NFATC2: variants seen among roughly 807,000 people sequenced by gnomAD.
NFATC2 encodes nuclear factor of activated T-cells, cytoplasmic 2.
NFATC2 carries 22 observed loss-of-function variants against 87.3 expected under a neutral mutation model. The ratio of observed to expected loss-of-function variants is 0.25; its 90% CI spans 0.18 to 0.36. The LOEUF is 0.36. Among genes scored for constraint, NFATC2 ranks in the 10% least tolerant of loss-of-function variants. NFATC2 has a pLI of 1.00. For synonymous variants in NFATC2, 565 were observed against 542.2 expected, an observed-to-expected ratio of 1.04 and a Z score of -0.58; for missense variants, 1,149 against 1,259.1, an observed-to-expected ratio of 0.91 and a Z score of 1.32.
chr20:51,399,235 T>G (rs531836234), intron 9 of NFATC2: 1 of 153,796 alleles, frequency 6.5e-6, no homozygotes, highest in Admixed American at 6.4e-5. Context: ...CTTCCTGTTT[T>G]TTGTCAACAA....
Position 51,562,352 on chromosome 20 carries a change from A to G in NFATC2, c.70+208T>C, listed in dbSNP as rs2077040143. Among the ~76,000 whole-genome samples, 1 of 152,130 alleles carries G rather than the reference A, an allele frequency of 6.6e-6. No individual in the cohort carries two copies. Among genetic ancestry groups the G allele is most frequent in the Admixed American group, 6.5e-5 (1 of 15,286 alleles). Reference sequence around the variant, plus strand: ...CCCTGCCCCCGCGTAAAGTTGTCCAAAGTCGCCTTCCCAAGTGTCCCTTCC... The same window carrying G: ...CCCTGCCCCCGCGTAAAGTTGTCCAGAGTCGCCTTCCCAAGTGTCCCTTCC... On this transcript the variant is annotated intron_variant, in intron 1 of 10. Coordinates refer to the NFATC2 transcript ENST00000414705. The surrounding 1 kb of genome is among the most constrained non-coding windows in gnomAD (Gnocchi z 5.8).
chr20:51,426,276 C>T (rs930355177), intron 9 of NFATC2, among the ~76,000 whole-genome samples: 6 of 152,068 alleles, frequency 3.9e-5, no homozygotes, highest in Admixed American at 1.3e-4. Flanking sequence ...GTCAGGAGTT[C>T]GAGACCAGCT....
chr20:51,488,779 C>T (rs931694274), intron 3 of NFATC2, among the ~76,000 whole-genome samples: 1 of 152,226 alleles, frequency 6.6e-6, no homozygotes, highest in African/African-American at 2.4e-5. Flanking sequence ...TCTGCCTTGT[C>T]CCTTGTCCCT....
intron 1 of NFATC2, among the ~76,000 whole-genome samples, chr20:51,525,010 A>G (rs2076521133): frequency 6.6e-6 from 1 of 152,182 alleles, no homozygotes; most frequent in Admixed American, 6.5e-5. Context: ...ACTTGCGGTC[A>G]GGAGTTTGAG....
At chr20:51,454,366 A>G (rs1428881487) in intron 6 of NFATC2, among the ~76,000 whole-genome samples, 182 bp downstream of exon 6, 2 of 152,236 alleles carry the variant, frequency 1.3e-5, no homozygotes, top group Non-Finnish European at 2.9e-5. Flanking sequence ...GTAGAATGGC[A>G]CATTCATGCA....
Position 51,391,431 on chromosome 20 carries a change from C to T in NFATC2, c.*65G>A. 6.4e-7 allele frequency: 1 copy of T among 1,573,836 alleles called. No individual in the cohort carries two copies. Among genetic ancestry groups the T allele is most frequent in the Non-Finnish European group, 8.7e-7 (1 of 1,146,372 alleles). ...TTTCTGGCAGGAGGTCCTGAAAACT[C>T]CTTCCTGATAATTTCATTAACTACA... On this transcript the variant is annotated 3_prime_UTR_variant, in exon 11 of 11. Transcript: ENST00000371564.
intron 5 of NFATC2, among the ~76,000 whole-genome samples, chr20:51,466,241 C>T (rs542259738): frequency 1.3e-5 from 2 of 152,152 alleles, no homozygotes; most frequent in Admixed American, 6.5e-5. Context: ...TTAGTAGAGA[C>T]GGGGTTTCGC....
At chr20:51,547,636 C>T (rs2076900008), upstream of NFATC2, among the ~76,000 whole-genome samples, 1 of 152,192 alleles carries the variant, frequency 6.6e-6, no homozygotes, top group African/African-American at 2.4e-5. Context: ...CTAACAGGCA[C>T]CTCAGTGTGA....
At chr20:51,414,032 C>A (rs1164076485) in intron 9 of NFATC2, among the ~76,000 whole-genome samples, 1 of 152,060 alleles carries the variant, frequency 6.6e-6, no homozygotes, top group Non-Finnish European at 1.5e-5. Context: ...CATTTTAAAC[C>A]CAGGCAGTCT....
chr20:51,512,497 G>T (rs904085390), intron 3 of NFATC2, among the ~76,000 whole-genome samples: 1 of 152,182 alleles, frequency 6.6e-6, no homozygotes, highest in African/African-American at 2.4e-5. Flanking sequence ...CAGGTCCCCA[G>T]TGAGACATTC....
intron 1 of NFATC2, among the ~76,000 whole-genome samples, chr20:51,526,960 G>A (rs779257551): frequency 5.9e-5 from 9 of 152,016 alleles, no homozygotes; most frequent in East Asian, 1.9e-4. Context: ...GTGCTGTGGC[G>A]CAATAATAGC....
intron 3 of NFATC2, among the ~76,000 whole-genome samples, chr20:51,509,334 G>A (rs899843596): frequency 6.6e-6 from 1 of 152,150 alleles, no homozygotes; most frequent in Non-Finnish European, 1.5e-5. Context: ...CAGCACATCA[G>A]CTCCACAGGG....
chr20:51,560,146 C>CT (rs1260778670), intron 1 of NFATC2, among the ~76,000 whole-genome samples: 6 of 152,178 alleles, frequency 3.9e-5, no homozygotes, highest in African/African-American at 1.2e-4. Context: ...GGAGCATTGA[C>CT]TATGACCAAG....
intron 6 of NFATC2, among the ~76,000 whole-genome samples, chr20:51,438,326 C>T (rs921800044): frequency 6.6e-6 from 1 of 151,470 alleles, no homozygotes; most frequent in African/African-American, 2.4e-5. Context: ...GCGGAAATGG[C>T]AACATGTTGA....
At chr20:51,445,606 T>A (rs1170035058) in intron 6 of NFATC2, among the ~76,000 whole-genome samples, 2 of 152,184 alleles carry the variant, frequency 1.3e-5, no homozygotes, top group African/African-American at 4.8e-5. Flanking sequence ...GCATCCTATA[T>A]TTTCCCCCCT....
chr20:51,426,555 A>G (rs1981861612), intron 9 of NFATC2, among the ~76,000 whole-genome samples: 1 of 152,114 alleles, frequency 6.6e-6, no homozygotes, highest in African/African-American at 2.4e-5. Context: ...CTAACTCATC[A>G]TCCTCAGCAC....
intron 1 of NFATC2, among the ~76,000 whole-genome samples, chr20:51,552,276 CAAAT>C (rs869257137): frequency 3.3e-5 from 5 of 152,242 alleles, no homozygotes; most frequent in African/African-American, 1.2e-4. Flanking sequence ...GTACCTGTCT[CAAAT>C]ATATATACAT....
intron 5 of NFATC2, among the ~76,000 whole-genome samples, chr20:51,456,722 C>G (rs1215167915): frequency 6.6e-6 from 1 of 152,230 alleles, no homozygotes; most frequent in Non-Finnish European, 1.5e-5. Context: ...ATGGCAGGAG[C>G]CTACGGACCT....
intron 9 of NFATC2, among the ~76,000 whole-genome samples, chr20:51,407,021 CCA>C (rs1978420068): frequency 6.6e-6 from 1 of 152,192 alleles, no homozygotes; most frequent in South Asian, 2.1e-4. Flanking sequence ...CTCCCCTAGT[CCA>C]CAGTCTTCCT....
Sources: gnomAD v4.1 joint callset for allele counts (sites outside exome capture counted in the v4.1 genomes callset) on GRCh38, gnomAD v4.1.1 for gene constraint, Gnocchi (gnomAD v3.1) non-coding constraint, MANE v1.5 for transcripts, NCBI Gene and HGNC (gene_info 2026-07-23, HGNC 2026-07-21) for gene names.